The following GPC5 variants were observed in gnomAD, a reference collection of about 807,000 sequenced individuals.
The protein encoded by GPC5 is glypican 5.
In GPC5, 47 loss-of-function variants were observed where a neutral mutation model predicts 53.9. The observed-to-expected ratio is 0.87, with a 90% CI of 0.69 to 1.11. GPC5 has a LOEUF of 1.11. Ranked by LOEUF, GPC5 falls within the 50% of genes most tolerant of loss-of-function variation. The pLI, the probability that GPC5 is intolerant of heterozygous loss-of-function variation, is 0.00. For synonymous variants in GPC5, 286 were observed against 263.3 expected, an observed-to-expected ratio of 1.09 and a Z score of -0.84; for missense variants, 748 against 713.1, an observed-to-expected ratio of 1.05 and a Z score of -0.56.
intron 7 of GPC5, among the ~76,000 whole-genome samples, chr13:92,518,733 T>C (rs1286377113): frequency 6.6e-6 from 1 of 152,026 alleles, no homozygotes; most frequent in African/African-American, 2.4e-5. Context: ...ACGAGCAAAA[T>C]AACCAGCTAA....
At chr13:91,590,629 C>T (rs1215201621) in intron 2 of GPC5, among the ~76,000 whole-genome samples, 2 of 152,112 alleles carry the variant, frequency 1.3e-5, no homozygotes, top group East Asian at 3.8e-4. Context: ...CAAAAATAAT[C>T]TTGTTTGCTC....
intron 7 of GPC5, among the ~76,000 whole-genome samples, chr13:92,843,319 T>C (rs1029821569): frequency 6.6e-6 from 1 of 152,152 alleles, no homozygotes; most frequent in Non-Finnish European, 1.5e-5. Flanking sequence ...AATTTTTGAG[T>C]CTAATTCGCT....
intron 7 of GPC5, chr13:92,240,505 TTGTTG>T (rs1264531628): frequency 2.0e-5 from 3 of 152,116 alleles, no homozygotes; most frequent in African/African-American, 7.2e-5. Context: ...TCTTTTTGTT[TTGTTG>T]TGTTTTGTTT....
At chr13:91,466,397 T>C (rs1161846992) in intron 2 of GPC5, among the ~76,000 whole-genome samples, 3 of 152,130 alleles carry the variant, frequency 2.0e-5, no homozygotes, top group Non-Finnish European at 4.4e-5. Context: ...GACGTTATGG[T>C]CCCAAGTTTT....
chr13:92,074,894 T>C (rs992364644), intron 6 of GPC5, among the ~76,000 whole-genome samples: 3 of 152,216 alleles, frequency 2.0e-5, no homozygotes, highest in Non-Finnish European at 2.9e-5. Flanking sequence ...CCTAATAGTG[T>C]ATGTTCACAC....
Position 92,059,481 on chromosome 13 carries a change from T to C in GPC5, c.1402-85349T>C, listed in dbSNP as rs189993593. 5.3e-4 allele frequency among the ~76,000 whole-genome samples: 81 copies of C among 152,136 alleles called. 1 individual carries two copies. Among genetic ancestry groups the C allele is most frequent in the African/African-American group, 2.0e-3 (81 of 41,450 alleles). ...ACATACATATAGCCATCTCTTCTTA[T>C]ATATACCTATACCCTAGAATTATTT... On this transcript the variant is annotated intron_variant, in intron 6 of 7. Transcript: ENST00000377067.
At chr13:92,758,536 A>C (rs988832284) in intron 7 of GPC5, among the ~76,000 whole-genome samples, 2 of 152,142 alleles carry the variant, frequency 1.3e-5, no homozygotes, top group African/African-American at 4.8e-5. Flanking sequence ...TGTGATTACT[A>C]TTATCATGGG....
At chr13:92,854,169 C>T (rs1429587915) in intron 7 of GPC5, among the ~76,000 whole-genome samples, 2 of 149,748 alleles carry the variant, frequency 1.3e-5, no homozygotes, top group Non-Finnish European at 3.0e-5. Flanking sequence ...GCTATATCCA[C>T]TAGTCATTAC....
chr13:92,187,742 G>A (rs573608932), intron 7 of GPC5, among the ~76,000 whole-genome samples: 2 of 152,174 alleles, frequency 1.3e-5, no homozygotes, highest in African/African-American at 2.4e-5. Context: ...ATTGGGGAAA[G>A]ATGTGCATAC....
At chr13:92,317,763 A>G (rs1420662399) in intron 7 of GPC5, among the ~76,000 whole-genome samples, 2 of 152,076 alleles carry the variant, frequency 1.3e-5, no homozygotes, top group East Asian at 1.9e-4. Flanking sequence ...AGCCTCCCAT[A>G]GTGCTGGGAT....
At chr13:91,407,898 AATCTT>A (rs1261636972) in intron 1 of GPC5, among the ~76,000 whole-genome samples, 1 of 152,212 alleles carries the variant, frequency 6.6e-6, no homozygotes, top group Non-Finnish European at 1.5e-5. Context: ...ATATTTATCT[AATCTT>A]TTTAAAAAAT....
intron 7 of GPC5, among the ~76,000 whole-genome samples, chr13:92,439,404 T>C (rs1877455528): frequency 6.6e-6 from 1 of 152,174 alleles, no homozygotes; most frequent in South Asian, 2.1e-4. Flanking sequence ...GTAAATGCAA[T>C]TTAAACTAAA....
chr13:92,026,776 T>C (rs957474380), intron 6 of GPC5, among the ~76,000 whole-genome samples: 38 of 152,132 alleles, frequency 2.5e-4, no homozygotes, highest in African/African-American at 8.4e-4. Flanking sequence ...GCTAGATATA[T>C]ATAGCTTACC....
Position 91,810,525 on chromosome 13 carries a change from A to G in GPC5, c.1280+54105A>G, listed in dbSNP as rs572104358. ...TTTTGCTGAATGAATTAATCAATTT[A>G]GTTACTACAGTAAAACTGTTATAAT... On this transcript the variant is annotated intron_variant, in intron 5 of 7. Transcript: ENST00000377067. Among the ~76,000 whole-genome samples, 26 of 152,126 alleles carry G rather than the reference A, an allele frequency of 1.7e-4. No individual in the cohort carries two copies. In the South Asian group the frequency reaches 4.3e-3, roughly 25 times the overall value.
chr13:92,540,637 T>C (rs1469761550), intron 7 of GPC5, among the ~76,000 whole-genome samples: 3 of 151,880 alleles, frequency 2.0e-5, no homozygotes, highest in South Asian at 4.1e-4. Flanking sequence ...AACTATTTCA[T>C]TGATTAGGAA....
At chr13:92,476,280 A>G (rs1225275095) in intron 7 of GPC5, among the ~76,000 whole-genome samples, 2 of 152,184 alleles carry the variant, frequency 1.3e-5, no homozygotes, top group African/African-American at 4.8e-5. Flanking sequence ...GCAGCCAAAA[A>G]ACACATGAAA....
chr13:91,876,620 CG>C (rs1272277119), intron 5 of GPC5, among the ~76,000 whole-genome samples: 2 of 152,226 alleles, frequency 1.3e-5, no homozygotes, highest in Admixed American at 1.3e-4. Flanking sequence ...AGATGTGACT[CG>C]GATGCTGTCA....
chr13:92,808,535 T>C (rs1594521350), intron 7 of GPC5, among the ~76,000 whole-genome samples: 2 of 152,200 alleles, frequency 1.3e-5, no homozygotes, highest in South Asian at 2.1e-4. Flanking sequence ...AAGGTTTAAT[T>C]ATAAAGGGTC....
Position 92,602,191 on chromosome 13 carries a change from TATATAA to T in GPC5, c.1562-264085_1562-264080del, listed in dbSNP as rs1439157331. On this transcript the variant is annotated intron_variant, in intron 7 of 7. Coordinates refer to ENST00000377067, the MANE Select transcript of GPC5 (RefSeq NM_004466.6). ...AAATACACACTATATATATTACATA[TATATAA>T]ATATATATATTACATATATATAAAT... 1.5e-3 allele frequency among the ~76,000 whole-genome samples: 213 copies of T among 140,042 alleles called. 1 individual carries two copies. The highest frequency in any genetic ancestry group is 5.0e-3 in the African/African-American group (189 of 38,136). 91.9% of individuals were successfully genotyped at this position (140,042 alleles called of 152,430 possible).
Sources: gnomAD v4.1 joint callset for allele counts (sites outside exome capture counted in the v4.1 genomes callset) on GRCh38, gnomAD v4.1.1 for gene constraint, MANE v1.5 for transcripts, NCBI Gene and HGNC (gene_info 2026-07-23, HGNC 2026-07-21) for gene names.